Variants in TNR observed in about 807,000 individuals in gnomAD.
The protein encoded by TNR is tenascin R.
A neutral mutation model predicts 150.4 loss-of-function variants in TNR; 45 were observed. The ratio of observed to expected loss-of-function variants is 0.30; its 90% CI spans 0.24 to 0.38. TNR has a LOEUF of 0.38. Ranked by LOEUF, TNR falls within the 10% of genes least tolerant of loss-of-function variation. TNR has a pLI of 1.00. For missense variants in TNR, 1,544 were observed against 1,759.1 expected (o/e 0.88, Z 2.19); for synonymous variants, 687 against 678.4 (o/e 1.01, Z -0.20).
chr1:175,550,566 A>T (rs1660899961), intron 1 of TNR, among the ~76,000 whole-genome samples: 1 of 151,940 alleles, frequency 6.6e-6, no homozygotes. Flanking sequence ...CTCTGTAGAA[A>T]TGAAGCTGAT....
intron 8 of TNR, among the ~76,000 whole-genome samples, chr1:175,383,374 T>C (rs114825597): frequency 1.5e-3 from 231 of 152,362 alleles, no homozygotes; most frequent in African/African-American, 5.3e-3. Flanking sequence ...CCCTGGTGAC[T>C]GTGCTTGGAA....
intron 1 of TNR, among the ~76,000 whole-genome samples, chr1:175,721,480 A>C (rs1667297154): frequency 6.6e-6 from 1 of 152,060 alleles, no homozygotes; most frequent in Admixed American, 6.5e-5. Flanking sequence ...CCAGGTTTTT[A>C]AACCAGACTG....
At chr1:175,395,569 A>G (rs975741412) in intron 5 of TNR, among the ~76,000 whole-genome samples, 3 of 150,422 alleles carry the variant, frequency 2.0e-5, no homozygotes, top group Admixed American at 6.7e-5. Flanking sequence ...CTTTTTCATG[A>G]TCTCTCCAAA....
chr1:175,682,655 T>C (rs1430877658), intron 1 of TNR, among the ~76,000 whole-genome samples: 1 of 152,184 alleles, frequency 6.6e-6, no homozygotes, highest in African/African-American at 2.4e-5. Flanking sequence ...ACTAGCCTTC[T>C]GAAAGGTGCC....
At chr1:175,405,556 G>A (rs745358223) in intron 3 of TNR, among the ~76,000 whole-genome samples, 51 of 152,186 alleles carry the variant, frequency 3.4e-4, no homozygotes, top group Non-Finnish European at 5.3e-4. Context: ...AGTTGTGTGA[G>A]TGTGTTGTGT....
intron 1 of TNR, among the ~76,000 whole-genome samples, chr1:175,714,697 G>T (rs1252803208): frequency 1.3e-5 from 2 of 152,176 alleles, no homozygotes; most frequent in African/African-American, 4.8e-5. Context: ...AAAATCGATA[G>T]GCGCTTTAAT....
At chr1:175,433,004 C>T (rs1655343990) in intron 2 of TNR, among the ~76,000 whole-genome samples, 3 of 151,972 alleles carry the variant, frequency 2.0e-5, no homozygotes, top group African/African-American at 2.4e-5. Flanking sequence ...CCCTTTTTGC[C>T]CTTTCATCTT....
At chr1:175,332,517 A>G (rs914707629) in intron 20 of TNR, among the ~76,000 whole-genome samples, 1 of 152,158 alleles carries the variant, frequency 6.6e-6, no homozygotes, top group Non-Finnish European at 1.5e-5. Context: ...TATTGCTTCC[A>G]AACTACACCA....
intron 1 of TNR, among the ~76,000 whole-genome samples, chr1:175,611,438 C>T (rs557276673): frequency 6.6e-5 from 10 of 152,092 alleles, no homozygotes; most frequent in African/African-American, 2.4e-4. Context: ...ACTTAATCAA[C>T]CCTCCTGTCT....
At chr1:175,625,975 A>G (rs1177879335) in intron 1 of TNR, among the ~76,000 whole-genome samples, 1 of 149,642 alleles carries the variant, frequency 6.7e-6, no homozygotes, top group Non-Finnish European at 1.5e-5. Context: ...CCCGGGGGGG[A>G]GGTAATTGAA....
At chr1:175,611,869 G>T (rs1224156861) in intron 1 of TNR, among the ~76,000 whole-genome samples, 1 of 152,140 alleles carries the variant, frequency 6.6e-6, no homozygotes, top group Non-Finnish European at 1.5e-5. Context: ...ATCCTGTAAT[G>T]GAGATATAAA....
At chr1:175,675,157 G>A (rs1243355071) in intron 1 of TNR, among the ~76,000 whole-genome samples, 1 of 152,256 alleles carries the variant, frequency 6.6e-6, no homozygotes, top group Non-Finnish European at 1.5e-5. Flanking sequence ...AGGCAGACAA[G>A]GACCTCTCTT....
intron 1 of TNR, among the ~76,000 whole-genome samples, chr1:175,650,210 C>A (rs1664918494): frequency 6.6e-6 from 1 of 151,938 alleles, no homozygotes; most frequent in Admixed American, 6.6e-5. Context: ...GGTGAAACTC[C>A]CATCTCTACT....
At chr1:175,730,266 C>T (rs1411876039) in intron 1 of TNR, among the ~76,000 whole-genome samples, 4 of 152,166 alleles carry the variant, frequency 2.6e-5, no homozygotes, top group African/African-American at 7.2e-5. Context: ...CAAAGCCCTA[C>T]GCACACTTAA....
chr1:175,348,346 AATTC>A (rs1650898269), intron 18 of TNR, among the ~76,000 whole-genome samples: 1 of 152,190 alleles, frequency 6.6e-6, no homozygotes, highest in Non-Finnish European at 1.5e-5. Flanking sequence ...TTAATTTATA[AATTC>A]ATTGTCATTT....
At chr1:175,444,580 T>C (rs1045685581) in intron 2 of TNR, among the ~76,000 whole-genome samples, 3 of 152,306 alleles carry the variant, frequency 2.0e-5, no homozygotes, top group Admixed American at 1.3e-4. Flanking sequence ...AATACCATGG[T>C]TTATTCACTC....
At chr1:175,541,970 T>A (rs1278332982) in intron 1 of TNR, among the ~76,000 whole-genome samples, 1 of 152,088 alleles carries the variant, frequency 6.6e-6, no homozygotes, top group Non-Finnish European at 1.5e-5. Flanking sequence ...AAAGCTGTTA[T>A]GGGGATCAAA....
At chr1:175,492,519 G>A (rs1036077778) in intron 2 of TNR, among the ~76,000 whole-genome samples, 4 of 152,216 alleles carry the variant, frequency 2.6e-5, no homozygotes, top group Admixed American at 6.5e-5. Context: ...AAGATGATGA[G>A]AAGCATACAC....
chr1:175,324,909 C>A (rs1281356067), intron 21 of TNR, among the ~76,000 whole-genome samples: 1 of 152,164 alleles, frequency 6.6e-6, no homozygotes, highest in African/African-American at 2.4e-5. Context: ...TTCTAGGGCA[C>A]CACCATGCAG....
Sources: gnomAD v4.1 joint callset for allele counts (sites outside exome capture counted in the v4.1 genomes callset) on GRCh38, gnomAD v4.1.1 for gene constraint, MANE v1.5 for transcripts, NCBI Gene and HGNC (gene_info 2026-07-23, HGNC 2026-07-21) for gene names.